The following GPS1 variants were observed in gnomAD, a reference collection of about 807,000 sequenced individuals.
GPS1 encodes COP9 signalosome complex subunit 1.
In GPS1, 11 loss-of-function variants were observed where a neutral mutation model predicts 60.0. That is an observed-to-expected ratio of 0.18 (90% CI 0.12 to 0.30). GPS1 has a LOEUF of 0.30. Ranked by LOEUF, GPS1 falls within the 10% of genes least tolerant of loss-of-function variation. The pLI is 1.00. For synonymous variants in GPS1, 343 were observed against 269.8 expected (o/e 1.27, Z -2.66); for missense variants, 543 against 669.2 (o/e 0.81, Z 2.08).
chr17:82,052,382 T>C (rs1327361044), intron 1 of GPS1: 1 of 1,612,262 alleles, frequency 6.2e-7, no homozygotes, highest in South Asian at 1.1e-5. Flanking sequence ...CAGCAGTAGG[T>C]CAGACCTCGT....
intron 1 of GPS1, chr17:82,052,795 A>C: frequency 5.8e-6 from 2 of 343,432 alleles, no homozygotes; most frequent in Middle Eastern, 8.8e-4. Context: ...CCTTCTCCCA[A>C]CTCCGTGGCG....
chr17:82,057,375 C>G lies in GPS1; in HGVS notation c.*248C>G. Reference sequence around the variant, plus strand: ...CCCAGGGAGCAGACTGTGCGGCACCCAGGCCCAGTGGCACCATTTCCCAGA... The same window carrying G: ...CCCAGGGAGCAGACTGTGCGGCACCGAGGCCCAGTGGCACCATTTCCCAGA... On this transcript the variant is annotated 3_prime_UTR_variant, in exon 13 of 13. Transcript: ENST00000578552. The G allele has an allele frequency of 1.5e-6, 1 of 682,792 alleles. No individual in the cohort carries two copies. The highest frequency in any genetic ancestry group is 2.7e-6 in the Non-Finnish European group (1 of 372,822). 42.3% of individuals were successfully genotyped at this position (682,792 alleles called of 1,614,324 possible).
rs2031950476 is a variant in GPS1, at chr17:82,054,280, CAG to C, written c.309-229_309-228del. The stretch of plus-strand genomic sequence containing the variant: ...AGGGGAGCTGTTGGAGACTGTGGCT[CAG>C]GGGCCGCCTCCCTGCTGGTTTCCCC... On this transcript the variant is annotated intron_variant, in intron 3 of 12. Coordinates refer to ENST00000578552, the MANE Select transcript of GPS1 (RefSeq NM_001321092.3). The C allele has an allele frequency of 8.1e-6, 6 of 742,134 alleles. No homozygotes were observed. The South Asian group carries it at 1.2e-4, about 15-fold the overall frequency. 46.0% of individuals were successfully genotyped at this position (742,134 alleles called of 1,614,324 possible).
intron 5 of GPS1, 56 bp from the exon 6 acceptor site, chr17:82,055,106 A>C (rs2032234344): frequency 6.4e-7 from 1 of 1,564,906 alleles, no homozygotes; most frequent in African/African-American, 1.4e-5. Context: ...GGGGCTGGGC[A>C]TCGAGCTCTA....
At position 82,056,104 on chromosome 17, in the gene GPS1, C is replaced by T. The variant is rs775516594; in HGVS notation, c.929+9C>T. On this transcript the variant is annotated intron_variant, in intron 8 of 12. Coordinates refer to ENST00000578552, the MANE Select transcript of GPS1 (RefSeq NM_001321092.3). ...AATGTCATCTCCAGCAGGTAGGTGC[C>T]CCGGTCCTGCAGCCCTGAAGGCTGT... The T allele has an allele frequency of 6.2e-7, 1 of 1,605,886 alleles. No individual in the cohort carries two copies. The highest frequency in any genetic ancestry group is 1.1e-5 in the South Asian group (1 of 90,868).
intron 6 of GPS1, chr17:82,055,509 A>G (rs1303337409): frequency 2.3e-5 from 14 of 606,780 alleles, no homozygotes; most frequent in Middle Eastern, 7.1e-4. Context: ...GCTAGCACCT[A>G]GGGCTTCCCT....
At chr17:82,055,712 C>G (rs556686902) in intron 6 of GPS1, 28 bp from the exon 7 acceptor site, 45 of 1,477,662 alleles carry the variant, frequency 3.0e-5, no homozygotes, top group Middle Eastern at 2.1e-4. Context: ...CCCTCTCCCC[C>G]CTCCCCGCCC....
At chr17:82,055,893 G>A (rs1259228311) in intron 7 of GPS1, 68 bp downstream of exon 7, 25 of 1,461,832 alleles carry the variant, frequency 1.7e-5, no homozygotes, top group South Asian at 4.8e-5. Flanking sequence ...TCTGTAGGAG[G>A]GTGAGGTCTC....
chr17:82,052,019 G>C (rs2144282297), intron 1 of GPS1, 55 bp downstream of exon 1: 1 of 1,127,020 alleles, frequency 8.9e-7, no homozygotes. Flanking sequence ...CCGCCACTGG[G>C]GCCGGGCTGA....
chr17:82,051,719 G>A, upstream of GPS1: 1 of 1,048,012 alleles, frequency 9.5e-7, no homozygotes, highest in Non-Finnish European at 1.1e-6. The surrounding 1 kb of genome is among the most constrained non-coding windows in gnomAD (Gnocchi z 4.1). Context: ...CCAGGGCCGC[G>A]GCCAGCGCGA....
chr17:82,052,527 G>A lies in GPS1; in HGVS notation c.33+563G>A, dbSNP rs1025766846. On this transcript the variant is annotated intron_variant, in intron 1 of 12. Coordinates refer to ENST00000578552, the MANE Select transcript of GPS1 (RefSeq NM_001321092.3). ...CAGGGCCCCGGCCGCCCCTGCTGTG[G>A]CTGGGCCCCTGCTGCTCTGCTGGCC... 3.2e-6 allele frequency: 5 copies of A among 1,546,718 alleles called. No individual in the cohort carries two copies. The African/African-American group carries it at 5.5e-5, about 17-fold the overall frequency.
At position 82,057,208 on chromosome 17, in the gene GPS1, C is replaced by G; in HGVS notation, c.*81C>G. The G allele has an allele frequency of 6.4e-7, 1 of 1,558,542 alleles. No homozygotes were observed. The highest frequency in any genetic ancestry group is 8.8e-7 in the Non-Finnish European group (1 of 1,137,022). ...CGGACCTCCAGGCGGCTCAGTGCTG[C>G]CTGCGGCCCAGCTAAGGGGCCTGGC... On this transcript the variant is annotated 3_prime_UTR_variant, in exon 13 of 13. Coordinates refer to ENST00000578552, the MANE Select transcript of GPS1 (RefSeq NM_001321092.3).
At chr17:82,053,475 C>T (rs563774041) in intron 2 of GPS1, 109 bp downstream of exon 2, 140 of 804,118 alleles carry the variant, frequency 1.7e-4, no homozygotes, top group African/African-American at 2.3e-4. Context: ...CCTCAGTGAT[C>T]GCTGTCGTCT....
chr17:82,056,783 G>C lies in GPS1; in HGVS notation c.1254+17G>C, dbSNP rs1010810577. The C allele has an allele frequency of 3.1e-6, 5 of 1,602,450 alleles. No individual in the cohort carries two copies. In the African/African-American group the frequency reaches 6.7e-5, roughly 21 times the overall value. On this transcript the variant is annotated intron_variant, in intron 11 of 12. Coordinates refer to ENST00000578552, the MANE Select transcript of GPS1 (RefSeq NM_001321092.3). ...CACAGCAAGGTGGCTGTGGGCTGCGGGGCGGTGGGGGCAGCTGGGGGTGAG... is the reference window on the plus strand; with the variant it reads ...CACAGCAAGGTGGCTGTGGGCTGCGCGGCGGTGGGGGCAGCTGGGGGTGAG...
chr17:82,053,732 C>G (rs2031739935), intron 2 of GPS1, 136 bp from the exon 3 acceptor site: 1 of 843,052 alleles, frequency 1.2e-6, no homozygotes, highest in Admixed American at 2.8e-5. Context: ...GTCTCGTACC[C>G]CCATGCCCGG....
chr17:82,051,791 G>C, upstream of GPS1: 1 of 1,123,242 alleles, frequency 8.9e-7, no homozygotes, highest in Non-Finnish European at 1.1e-6. This position sits in a 1 kb window ranked among gnomAD's most constrained non-coding sequence, Gnocchi z 4.1. Context: ...CCCCGGCGCT[G>C]CGAGCGGAGA....
upstream of GPS1, chr17:82,051,707 G>C (rs1444276287): frequency 9.7e-7 from 1 of 1,026,770 alleles, no homozygotes; most frequent in Non-Finnish European, 1.2e-6. The surrounding 1 kb of genome is among the most constrained non-coding windows in gnomAD (Gnocchi z 4.1). Context: ...ACAGCAGCGC[G>C]GCCAGGGCCG....
At chr17:82,052,748 C>G in intron 1 of GPS1, 1 of 464,010 alleles carries the variant, frequency 2.2e-6, no homozygotes, top group Non-Finnish European at 4.0e-6. Context: ...TGTCTCCCAG[C>G]TGGGGGCCAT....
chr17:82,054,546 C>T lies in GPS1; in HGVS notation c.345C>T (p.Ser115=), dbSNP rs549000263. Residue 115 remains serine (S), a synonymous_variant, in exon 4 of 13, where the codon AGC becomes AGT. Transcript: ENST00000578552. ...ACGCACCCGACGCCATCCCTGAGAG[C>T]GGCGTGGAGCCCCCAGCCCTGGACA... The part of the protein sequence containing the change: ...LQNAPDAIPE[S]GVEPPALDTA... 1.6e-5 allele frequency: 25 copies of T among 1,570,494 alleles called. No individual in the cohort carries two copies. The highest frequency in any genetic ancestry group is 1.7e-4 in the Middle Eastern group (1 of 5,882).
Sources: allele counts gnomAD v4.1 joint callset, GRCh38; gene constraint gnomAD v4.1.1; non-coding constraint Gnocchi (gnomAD v3.1); transcripts MANE v1.5; gene names NCBI Gene and HGNC (gene_info 2026-07-23, HGNC 2026-07-21).